Variants in FOXD3 observed in about 807,000 individuals in gnomAD.
The protein encoded by FOXD3 is forkhead box protein D3.
Under a neutral mutation model 3.6 loss-of-function variants are expected in FOXD3, and 3 were observed. The ratio of observed to expected loss-of-function variants is 0.84; its 90% CI spans 0.38 to 2.18. The LOEUF (loss-of-function observed/expected upper bound fraction) is 2.18. FOXD3 is among the 30% of genes most tolerant of loss of function. The pLI is 0.06. For synonymous variants in FOXD3, 391 were observed against 360.9 expected, an observed-to-expected ratio of 1.08 and a Z score of -0.94; for missense variants, 686 against 731.6, an observed-to-expected ratio of 0.94 and a Z score of 0.72.
Position 63,322,748 on chromosome 1 carries a change from G to C in FOXD3, c.-311G>C, listed in dbSNP as rs1024099029. 2 of 985,264 alleles carry C rather than the reference G, an allele frequency of 2.0e-6. No homozygotes were observed. Among genetic ancestry groups the C allele is most frequent in the Non-Finnish European group, 2.4e-6 (2 of 829,898 alleles). The allele number at this position is 985,264 out of a possible 1,614,324, so 61.0% of individuals were successfully genotyped here. On this transcript the variant is annotated 5_prime_UTR_variant, in exon 1 of 1. Coordinates refer to ENST00000371116, the MANE Select transcript of FOXD3 (RefSeq NM_012183.3). ...AGGCCGAGGAAGGCGGGCTAAGTGA[G>C]GGGGCGCGGCGTGGAGAACCGCCGG...
rs910628448 is a variant in FOXD3, at chr1:63,323,876, G to T, written c.818G>T (p.Arg273Leu). ...GCCGGCGCCGCGGGACCCTACGGCC[G>T]CCCCTACGGCCTGCACCCTGCGGCG... ...AAAGAAGPYG[R>L]PYGLHPAAAA... is the part of the protein sequence containing the mutation. Residue 273 changes from arginine to leucine, a missense_variant, in exon 1 of 1, where the codon CGC (arginine) becomes CTC (leucine). Physicochemically the swap from Arg to Leu is moderately radical, Grantham distance 102 (BLOSUM62 -2). Coordinates refer to ENST00000371116, the MANE Select transcript of FOXD3 (RefSeq NM_012183.3). This position sits in a 1 kb window ranked among gnomAD's most constrained non-coding sequence, Gnocchi z 6.8. The T allele has an allele frequency of 1.3e-6, 2 of 1,522,828 alleles. No individual in the cohort carries two copies. The highest frequency in any genetic ancestry group is 1.8e-6 in the Non-Finnish European group (2 of 1,142,702). 94.3% of individuals were successfully genotyped at this position (1,522,828 alleles called of 1,614,324 possible).
Position 63,323,236 on chromosome 1 carries a change from G to A in FOXD3, c.178G>A (p.Glu60Lys). ...PPELRLDEAD[E>K]VPPAAPHHGQ... Reference sequence around the variant, plus strand: ...GGAGCTGCGCCTGGACGAGGCGGACGAGGTGCCCCCGGCGGCACCCCATCA... The same window carrying A: ...GGAGCTGCGCCTGGACGAGGCGGACAAGGTGCCCCCGGCGGCACCCCATCA... The change falls in exon 1 of 1, where the codon GAG becomes AAG. Residue 60 changes from glutamate to lysine, a missense_variant. Around this residue, in one of 3 missense-constraint regions of FOXD3, gnomAD observed 232 missense variants for 214.0 expected, o/e 1.08. Coordinates refer to ENST00000371116, the MANE Select transcript of FOXD3 (RefSeq NM_012183.3). The surrounding 1 kb of genome is among the most constrained non-coding windows in gnomAD (Gnocchi z 6.8). The A allele has an allele frequency of 6.6e-7, 1 of 1,524,834 alleles. No individual in the cohort carries two copies. Among genetic ancestry groups the A allele is most frequent in the Non-Finnish European group, 8.8e-7 (1 of 1,136,892 alleles). 94.5% of individuals were successfully genotyped at this position (1,524,834 alleles called of 1,614,324 possible). A position where few individuals can be genotyped will look rare whatever the true frequency, so the allele number is the denominator to read the frequency against.
rs918534729 is a variant in FOXD3, at chr1:63,322,831, G to A, written c.-228G>A. The A allele has an allele frequency of 6.4e-5, 63 of 985,280 alleles. No individual in the cohort carries two copies. Among genetic ancestry groups the A allele is most frequent in the Non-Finnish European group, 6.4e-5 (53 of 829,914 alleles). 61.0% of individuals were successfully genotyped at this position (985,280 alleles called of 1,614,324 possible). ...GCGCCAGGGACGGCAGGAGTTCGCG[G>A]AGCGCGGCCGCTGGGGGCGGACGGC... On this transcript the variant is annotated 5_prime_UTR_variant, in exon 1 of 1. Coordinates refer to ENST00000371116, the MANE Select transcript of FOXD3 (RefSeq NM_012183.3).
chr1:63,322,894 A>T lies in FOXD3; in HGVS notation c.-165A>T. On this transcript the variant is annotated 5_prime_UTR_variant, in exon 1 of 1. An upstream open reading frame in the 5' UTR loses its in-frame stop. Transcript: ENST00000371116. Reference sequence around the variant, plus strand: ...ACGCGATGCGGGGCCGCCGAGTGTGAGCTGAGCCCAGCGGGCCCCAAGCCA... The same window carrying T: ...ACGCGATGCGGGGCCGCCGAGTGTGTGCTGAGCCCAGCGGGCCCCAAGCCA... 2 of 1,376,514 alleles carry T rather than the reference A, an allele frequency of 1.5e-6. No individual in the cohort carries two copies. The highest frequency in any genetic ancestry group is 1.9e-6 in the Non-Finnish European group (2 of 1,071,866). The allele number at this position is 1,376,514 out of a possible 1,614,324, so 85.3% of individuals were successfully genotyped here.
chr1:63,323,871 C>T lies in FOXD3; in HGVS notation c.813C>T (p.Tyr271=). 1.3e-6 allele frequency: 2 copies of T among 1,544,512 alleles called. No homozygotes were observed. The highest frequency in any genetic ancestry group is 1.7e-6 in the Non-Finnish European group (2 of 1,152,274). The part of the protein sequence containing the change: ...LAAAAGAAGP[Y]GRPYGLHPAA... The stretch of plus-strand genomic sequence containing the variant: ...CGGCGGCCGGCGCCGCGGGACCCTA[C>T]GGCCGCCCCTACGGCCTGCACCCTG... The change falls in exon 1 of 1, where the codon TAC becomes TAT. Residue 271 remains tyrosine (Y), a synonymous_variant. Transcript: ENST00000371116. The surrounding 1 kb of genome is among the most constrained non-coding windows in gnomAD (Gnocchi z 6.8).
rs775039432 is a variant in FOXD3, at chr1:63,323,430, C to T, written c.372C>T (p.Ser124=). The change falls in exon 1 of 1, where the codon AGC becomes AGT. Residue 124 remains serine, a synonymous_variant. Transcript: ENST00000371116. This position sits in a 1 kb window ranked among gnomAD's most constrained non-coding sequence, Gnocchi z 6.8. Reference sequence around the variant, plus strand: ...GCGGCGGCGGGCCTGGCGCGGGCAGCGGTTCGGCGGGAGGCCTGGCCCCGA... The same window carrying T: ...GCGGCGGCGGGCCTGGCGCGGGCAGTGGTTCGGCGGGAGGCCTGGCCCCGA... ...GASGGGPGAG[S]GSAGGLAPSK... is the part of the protein sequence containing the mutation. The T allele has an allele frequency of 5.8e-6, 9 of 1,562,160 alleles. No homozygotes were observed. Among genetic ancestry groups the T allele is most frequent in the Admixed American group, 1.9e-5 (1 of 53,100 alleles).
At position 63,322,945 on chromosome 1, in the gene FOXD3, C is replaced by G; in HGVS notation, c.-114C>G. On this transcript the variant is annotated 5_prime_UTR_variant, in exon 1 of 1. Transcript: ENST00000371116. ...CCTGCGGCCCCCTCCCCTCTCCCTG[C>G]CCCCCATCTTTCGGGGGCACTCAAA... 7.1e-7 allele frequency: 1 copy of G among 1,402,256 alleles called. No homozygotes were observed. Among genetic ancestry groups the G allele is most frequent in the Non-Finnish European group, 9.2e-7 (1 of 1,082,652 alleles). 86.9% of individuals were successfully genotyped at this position (1,402,256 alleles called of 1,614,324 possible).
At position 63,322,631 on chromosome 1, in the gene FOXD3, C is replaced by G. The variant is rs78645479; in HGVS notation, c.-428C>G. Reference sequence around the variant, plus strand: ...CCTGACACCCAGCCCCCTGCCCCCCCGCTACTGTCCCTGCCCGCGCCCTCC... The same window carrying G: ...CCTGACACCCAGCCCCCTGCCCCCCGGCTACTGTCCCTGCCCGCGCCCTCC... On this transcript the variant is annotated 5_prime_UTR_variant, in exon 1 of 1. Coordinates refer to ENST00000371116, the MANE Select transcript of FOXD3 (RefSeq NM_012183.3). 2.2e-3 allele frequency: 2,135 copies of G among 954,794 alleles called. 4 individuals are homozygous for G. Among genetic ancestry groups the G allele is most frequent in the Non-Finnish European group, 2.5e-3 (2,034 of 802,152 alleles). The allele number at this position is 954,794 out of a possible 1,614,324, so 59.1% of individuals were successfully genotyped here.
chr1:63,324,027 G>A lies in FOXD3; in HGVS notation c.969G>A (p.Ser323=). The A allele has an allele frequency of 2.2e-6, 3 of 1,366,740 alleles. No homozygotes were observed. The highest frequency in any genetic ancestry group is 1.8e-5 in the South Asian group (1 of 56,584). 84.7% of individuals were successfully genotyped at this position (1,366,740 alleles called of 1,614,324 possible). A position where few individuals can be genotyped will look rare whatever the true frequency, so the allele number is the denominator to read the frequency against. Residue 323 remains serine (S), a synonymous_variant, in exon 1 of 1, where the codon TCG becomes TCA. Transcript: ENST00000371116. This position sits in a 1 kb window ranked among gnomAD's most constrained non-coding sequence, Gnocchi z 4.1. ...VLPPAVPLLP[S]GELGRKAAAF... ...CTCCCGCTGTGCCGCTGCTGCCCTC[G>A]GGCGAGCTGGGCCGCAAAGCGGCCG... is the stretch of plus-strand genomic sequence containing the variant.
In FOXD3 at chr1:63,323,913, C is replaced by G; in HGVS notation, c.855C>G (p.Ala285=). The change falls in exon 1 of 1, where the codon GCC becomes GCG. Residue 285 remains alanine, a synonymous_variant. Transcript: ENST00000371116. This position sits in a 1 kb window ranked among gnomAD's most constrained non-coding sequence, Gnocchi z 6.8. ...YGLHPAAAAG[A]YSHPAAAAAA... ...TGCACCCTGCGGCGGCGGCCGGTGC[C>G]TATTCGCACCCGGCAGCGGCGGCGG... 1 of 1,289,958 alleles carries G rather than the reference C, an allele frequency of 7.8e-7. No individual in the cohort carries two copies. Among genetic ancestry groups the G allele is most frequent in the Non-Finnish European group, 9.8e-7 (1 of 1,024,594 alleles). The allele number at this position is 1,289,958 out of a possible 1,614,324, so 79.9% of individuals were successfully genotyped here.
Position 63,324,621 on chromosome 1 carries a change from C to T in FOXD3, c.*126C>T, listed in dbSNP as rs947904560. ...TGCCCAATCCTGGACTCTGCCTCTC[C>T]CCAATTTCCTTTCCCCTGAGCCCCC... On this transcript the variant is annotated 3_prime_UTR_variant, in exon 1 of 1. Coordinates refer to ENST00000371116, the MANE Select transcript of FOXD3 (RefSeq NM_012183.3). This position sits in a 1 kb window ranked among gnomAD's most constrained non-coding sequence, Gnocchi z 4.1. 1 of 712,446 alleles carries T rather than the reference C, an allele frequency of 1.4e-6. No homozygotes were observed. The highest frequency in any genetic ancestry group is 2.3e-6 in the Non-Finnish European group (1 of 426,982). 44.1% of individuals were successfully genotyped at this position (712,446 alleles called of 1,614,324 possible).
In FOXD3 at chr1:63,323,548, C is replaced by T; in HGVS notation, c.490C>T (p.Leu164=). ...GCAGAGCCCGCAGAAGAAGCTGACCCTGAGCGGCATCTGCGAGTTCATCAG... is the reference window on the plus strand; with the variant it reads ...GCAGAGCCCGCAGAAGAAGCTGACCTTGAGCGGCATCTGCGAGTTCATCAG... ...ILQSPQKKLT[L]SGICEFISNR... The change falls in exon 1 of 1, where the codon CTG becomes TTG. Residue 164 remains leucine, a synonymous_variant. Transcript: ENST00000371116. This position sits in a 1 kb window ranked among gnomAD's most constrained non-coding sequence, Gnocchi z 6.8. 6.2e-7 allele frequency: 1 copy of T among 1,614,150 alleles called. No homozygotes were observed. The highest frequency in any genetic ancestry group is 8.5e-7 in the Non-Finnish European group (1 of 1,180,030).
Position 63,322,798 on chromosome 1 carries a change from A to G in FOXD3, c.-261A>G. On this transcript the variant is annotated 5_prime_UTR_variant, in exon 1 of 1. Transcript: ENST00000371116. Reference sequence around the variant, plus strand: ...GGGCCGGGAGCGGTAGCGAGCGCCTAGTACCGAGCGCCAGGGACGGCAGGA... The same window carrying G: ...GGGCCGGGAGCGGTAGCGAGCGCCTGGTACCGAGCGCCAGGGACGGCAGGA... 1 of 985,312 alleles carries G rather than the reference A, an allele frequency of 1.0e-6. No individual in the cohort carries two copies. The highest frequency in any genetic ancestry group is 1.7e-5 in the African/African-American group (1 of 57,350). 61.0% of individuals were successfully genotyped at this position (985,312 alleles called of 1,614,324 possible).
In FOXD3 at chr1:63,323,125, G is replaced by T. The variant is rs369666642; in HGVS notation, c.67G>T (p.Val23Leu). ...CCAGACGGTGCTGACGGCCGAGGAC[G>T]TGGACATCGATGTGGTGGGCGAGGG... ...SGQTVLTAED[V>L]DIDVVGEGDD... Residue 23 changes from valine (V) to leucine (L), a missense_variant, in exon 1 of 1, where the codon GTG (valine) becomes TTG (leucine). Physicochemically the swap from Val to Leu is conservative, Grantham distance 32. Around this residue, in one of 3 missense-constraint regions of FOXD3, gnomAD observed 232 missense variants for 214.0 expected, o/e 1.08. Transcript: ENST00000371116. This position sits in a 1 kb window ranked among gnomAD's most constrained non-coding sequence, Gnocchi z 6.8. The T allele has an allele frequency of 6.1e-5, 96 of 1,570,644 alleles. 1 individual carries two copies. The highest frequency in any genetic ancestry group is 8.1e-5 in the South Asian group (7 of 86,046).
In FOXD3 at chr1:63,323,024, C is replaced by T; in HGVS notation, c.-35C>T. The stretch of plus-strand genomic sequence containing the variant: ...CCCGAACACCCTCATCGCCCGCTGC[C>T]CCCTCCCCGCCGCCGCTACCAACCC... On this transcript the variant is annotated 5_prime_UTR_variant, in exon 1 of 1. Coordinates refer to ENST00000371116, the MANE Select transcript of FOXD3 (RefSeq NM_012183.3). The surrounding 1 kb of genome is among the most constrained non-coding windows in gnomAD (Gnocchi z 6.8). The T allele has an allele frequency of 1.3e-6, 2 of 1,509,218 alleles. No individual in the cohort carries two copies. Among genetic ancestry groups the T allele is most frequent in the South Asian group, 1.2e-5 (1 of 80,612 alleles). 93.5% of individuals were successfully genotyped at this position (1,509,218 alleles called of 1,614,324 possible). A position where few individuals can be genotyped will look rare whatever the true frequency, so the allele number is the denominator to read the frequency against.
Position 63,324,287 on chromosome 1 carries a change from G to T in FOXD3, c.1229G>T (p.Gly410Val), listed in dbSNP as rs1400046221. 6.6e-7 allele frequency: 1 copy of T among 1,525,816 alleles called. No individual in the cohort carries two copies. Among genetic ancestry groups the T allele is most frequent in the Non-Finnish European group, 8.7e-7 (1 of 1,145,232 alleles). The allele number at this position is 1,525,816 out of a possible 1,614,324, so 94.5% of individuals were successfully genotyped here. Residue 410 changes from glycine (G) to valine (V), a missense_variant, in exon 1 of 1, where the codon GGC becomes GTC. Physicochemically the swap from Gly to Val is moderately radical, Grantham distance 109. Transcript: ENST00000371116. This position sits in a 1 kb window ranked among gnomAD's most constrained non-coding sequence, Gnocchi z 4.1. Reference protein sequence around the residue: ...VAGGTGGSGGGSTAQSFLRPP... With the variant: ...VAGGTGGSGGVSTAQSFLRPP... ...GGCGGCACTGGGGGTTCAGGGGGCGGCAGCACGGCGCAGTCGTTTCTGCGG... is the reference window on the plus strand; with the variant it reads ...GGCGGCACTGGGGGTTCAGGGGGCGTCAGCACGGCGCAGTCGTTTCTGCGG...
chr1:63,323,712 C>T lies in FOXD3; in HGVS notation c.654C>T (p.Asp218=), dbSNP rs141605755. The T allele has an allele frequency of 2.7e-5, 43 of 1,613,968 alleles. No homozygotes were observed. Among genetic ancestry groups the T allele is most frequent in the Admixed American group, 3.3e-5 (2 of 60,004 alleles). ...NPGKGNYWTL[D]PQSEDMFDNG... Reference sequence around the variant, plus strand: ...GCAAGGGCAACTACTGGACCCTGGACCCGCAGTCCGAGGACATGTTCGACA... The same window carrying T: ...GCAAGGGCAACTACTGGACCCTGGATCCGCAGTCCGAGGACATGTTCGACA... Residue 218 remains aspartate (D), a synonymous_variant, in exon 1 of 1, where the codon GAC becomes GAT. Transcript: ENST00000371116. This position sits in a 1 kb window ranked among gnomAD's most constrained non-coding sequence, Gnocchi z 6.8.
Position 63,323,967 on chromosome 1 carries a change from CCCGTACGCGCTGCCG to C in FOXD3, c.913_927del (p.Tyr305_Pro309del). On this transcript the variant is annotated inframe_deletion, in exon 1 of 1. Coordinates refer to ENST00000371116, the MANE Select transcript of FOXD3 (RefSeq NM_012183.3). The surrounding 1 kb of genome is among the most constrained non-coding windows in gnomAD (Gnocchi z 6.8). ...CGGCTGCTGCGGCGGCGCTCCAGTA[CCCGTACGCGCTGCCG>C]CCGGTGGCACCGGTGCTGCCTCCCG... The C allele has an allele frequency of 7.9e-7, 1 of 1,267,486 alleles. No individual in the cohort carries two copies. The highest frequency in any genetic ancestry group is 2.8e-5 in the South Asian group (1 of 35,134). The allele number at this position is 1,267,486 out of a possible 1,614,324, so 78.5% of individuals were successfully genotyped here.
At position 63,323,034 on chromosome 1, in the gene FOXD3, C is replaced by T; in HGVS notation, c.-25C>T. The T allele has an allele frequency of 1.3e-6, 2 of 1,514,968 alleles. No individual in the cohort carries two copies. The highest frequency in any genetic ancestry group is 1.2e-5 in the South Asian group (1 of 81,496). 93.8% of individuals were successfully genotyped at this position (1,514,968 alleles called of 1,614,324 possible). ...CTCATCGCCCGCTGCCCCCTCCCCG[C>T]CGCCGCTACCAACCCCGAGGAGGGA... is the stretch of plus-strand genomic sequence containing the variant. On this transcript the variant is annotated 5_prime_UTR_variant, in exon 1 of 1. Transcript: ENST00000371116. The surrounding 1 kb of genome is among the most constrained non-coding windows in gnomAD (Gnocchi z 6.8).
Sources: allele counts gnomAD v4.1 joint callset, GRCh38; gene constraint gnomAD v4.1.1; regional missense constraint gnomAD v4.1.1; non-coding constraint Gnocchi (gnomAD v3.1); transcripts MANE v1.5; gene names NCBI Gene and HGNC (gene_info 2026-07-23, HGNC 2026-07-21).